Variants in CEP135 observed in about 807,000 individuals in gnomAD.
CEP135 encodes the protein centrosomal protein 135, also known as centrosomal protein of 135 kDa.
A neutral mutation model predicts 157.3 loss-of-function variants in CEP135; 142 were observed. The observed-to-expected ratio is 0.90, with a 90% CI of 0.79 to 1.04. CEP135 has a LOEUF of 1.04. Ranked by LOEUF, CEP135 falls within the 50% of genes least tolerant of loss-of-function variation. The pLI, the probability that CEP135 is intolerant of heterozygous loss-of-function variation, is 0.00. For synonymous variants in CEP135, 396 were observed against 439.8 expected, an observed-to-expected ratio of 0.90 and a Z score of 1.25; for missense variants, 1,317 against 1,309.2, an observed-to-expected ratio of 1.01 and a Z score of -0.09.
chr4:56,018,937 A>G (rs1475569153), intron 22 of CEP135, among the ~76,000 whole-genome samples: 1 of 152,200 alleles, frequency 6.6e-6, no homozygotes, highest in African/African-American at 2.4e-5. Flanking sequence ...TTGTTTTCAA[A>G]CATGGATGTT....
At position 56,011,991 on chromosome 4, in the gene CEP135, A is replaced by C; in HGVS notation, c.2802+6A>C. 6.8e-7 allele frequency: 1 copy of C among 1,474,196 alleles called. No homozygotes were observed. The highest frequency in any genetic ancestry group is 9.1e-7 in the Non-Finnish European group (1 of 1,102,738). 91.3% of individuals were successfully genotyped at this position (1,474,196 alleles called of 1,614,324 possible). A position where few individuals can be genotyped will look rare whatever the true frequency, so the allele number is the denominator to read the frequency against. ...TAGAAAAAGAAATTCAAGAGGTAAT[A>C]TATTTATTTGTTTTGTAAAGATGTT... is the stretch of plus-strand genomic sequence containing the variant. On this transcript the variant is annotated splice_donor_region_variant and intron_variant, in intron 21 of 25. Coordinates refer to ENST00000257287, the MANE Select transcript of CEP135 (RefSeq NM_025009.5).
chr4:55,956,759 C>T (rs866010886), intron 4 of CEP135, among the ~76,000 whole-genome samples: 9 of 152,194 alleles, frequency 5.9e-5, no homozygotes, highest in African/African-American at 1.9e-4. Context: ...TACAGGTGCC[C>T]GTTACCACGC....
At chr4:55,979,205 A>G (rs1729320981) in intron 11 of CEP135, among the ~76,000 whole-genome samples, 1 of 152,150 alleles carries the variant, frequency 6.6e-6, no homozygotes, top group Non-Finnish European at 1.5e-5. Context: ...ACATTAAGAT[A>G]CCATAGATCC....
rs140748251 is a variant in CEP135 at position 55,965,808 on chromosome 4, A to T, written c.993A>T (p.Arg331Ser). ...EIDQLAQQLE[R>S]HKEEVLETAD... is the part of the protein sequence containing the mutation. ...ATCAGTTAGCACAGCAGTTGGAAAG[A>T]CATAAAGAAGAAGTGCTTGAGACTG... The change falls in exon 8 of 26, where the codon AGA becomes AGT. Residue 331 changes from arginine (R) to serine (S), a missense_variant. Coordinates refer to ENST00000257287, the MANE Select transcript of CEP135 (RefSeq NM_025009.5). The T allele has an allele frequency of 2.7e-4, 433 of 1,613,814 alleles. No individual in the cohort carries two copies. The highest frequency in any genetic ancestry group is 2.3e-3 in the Middle Eastern group (14 of 6,058).
intron 25 of CEP135, among the ~76,000 whole-genome samples, chr4:56,029,317 C>T (rs1485476692): frequency 2.6e-5 from 4 of 152,162 alleles, no homozygotes; most frequent in Admixed American, 1.3e-4. Context: ...AACCTTCAGC[C>T]CCTCTCCTCT....
chr4:56,017,792 A>G lies in CEP135; in HGVS notation c.2947A>G (p.Lys983Glu), dbSNP rs148808421. 3 of 1,613,778 alleles carry G rather than the reference A, an allele frequency of 1.9e-6. No individual in the cohort carries two copies. In the African/African-American group the frequency reaches 4.0e-5, roughly 22 times the overall value. The change falls in exon 22 of 26, where the codon AAA becomes GAA. Residue 983 changes from lysine to glutamate, a missense_variant. Coordinates refer to ENST00000257287, the MANE Select transcript of CEP135 (RefSeq NM_025009.5). ...GTCATCTCTTAGAGAACTTTGCATT[A>G]AACTTGATTCAGGCAAAGATATTAT... is the stretch of plus-strand genomic sequence containing the variant. ...DLSSLRELCI[K>E]LDSGKDIMTQ...
intron 25 of CEP135, among the ~76,000 whole-genome samples, chr4:56,028,391 C>CT (rs1731223907): frequency 6.6e-6 from 1 of 152,146 alleles, no homozygotes; most frequent in South Asian, 2.1e-4. Flanking sequence ...TTATTTTCCA[C>CT]TTTTTAATTA....
intron 10 of CEP135, among the ~76,000 whole-genome samples, chr4:55,973,854 T>C (rs1729105628): frequency 6.6e-6 from 1 of 152,128 alleles, no homozygotes; most frequent in Non-Finnish European, 1.5e-5. Flanking sequence ...CTTGTTAAAG[T>C]CATTCACCTC....
chr4:55,992,154 C>A, intron 15 of CEP135, 69 bp downstream of exon 15: 1 of 1,484,662 alleles, frequency 6.7e-7, no homozygotes, highest in South Asian at 1.3e-5. Flanking sequence ...AGTTTATAAT[C>A]ATGGCATTTT....
chr4:55,997,860 C>T (rs1035462541), intron 15 of CEP135, among the ~76,000 whole-genome samples: 2 of 152,134 alleles, frequency 1.3e-5, no homozygotes, highest in Non-Finnish European at 2.9e-5. Flanking sequence ...AGTGTGAATA[C>T]GGTGCAGTCA....
rs1267054419 is a variant in CEP135 at position 55,965,756 on chromosome 4, A to T, written c.941A>T (p.Lys314Ile). The T allele has an allele frequency of 6.2e-7, 1 of 1,613,808 alleles. No individual in the cohort carries two copies. The highest frequency in any genetic ancestry group is 8.5e-7 in the Non-Finnish European group (1 of 1,179,910). The change falls in exon 8 of 26, where the codon AAA (lysine) becomes ATA (isoleucine). Residue 314 changes from lysine (K) to isoleucine (I), a missense_variant. By Grantham distance (102) the Lys-to-Ile change is moderately radical (BLOSUM62 -3). Transcript: ENST00000257287. The part of the protein sequence containing the change: ...EVVNLSNKNE[K>I]LCQELTEIDQ... ...GTTAATTTAAGTAACAAAAATGAAA[A>T]ACTCTGCCAAGAATTAACTGAAATA...
At chr4:55,976,532 T>C (rs1358049771) in intron 11 of CEP135, among the ~76,000 whole-genome samples, 1 of 152,222 alleles carries the variant, frequency 6.6e-6, no homozygotes, top group Non-Finnish European at 1.5e-5. Flanking sequence ...GACAAATGTG[T>C]GAGACATATT....
chr4:55,988,924 C>G (rs1306930528), intron 14 of CEP135, among the ~76,000 whole-genome samples: 1 of 151,228 alleles, frequency 6.6e-6, no homozygotes, highest in Non-Finnish European at 1.5e-5. Context: ...CGAGATCACG[C>G]CACTGCACTC....
chr4:55,982,407 C>T (rs1261304208), intron 13 of CEP135, among the ~76,000 whole-genome samples: 1 of 152,132 alleles, frequency 6.6e-6, no homozygotes, highest in Non-Finnish European at 1.5e-5. Flanking sequence ...AATAAAAGTT[C>T]TAATTTCTCC....
At chr4:56,004,516 T>C (rs988636113) in intron 17 of CEP135, among the ~76,000 whole-genome samples, 1 of 152,240 alleles carries the variant, frequency 6.6e-6, no homozygotes, top group Non-Finnish European at 1.5e-5. Context: ...TGAAGTCCCC[T>C]ACCATTATCG....
Position 55,989,447 on chromosome 4 carries a change from G to A in CEP135, c.1858-2487G>A, listed in dbSNP as rs111842910. On this transcript the variant is annotated intron_variant, in intron 14 of 25. Transcript: ENST00000257287. ...AAACTTGCCTAAGATCACACAGCTA[G>A]CAGATGTCTGGTGCCAGAATGTGTG... Among the ~76,000 whole-genome samples the A allele has an allele frequency of 6.0e-3, 911 of 152,294 alleles. 6 individuals are homozygous for A. Among genetic ancestry groups the A allele is most frequent in the Admixed American group, 0.018 (270 of 15,292 alleles).
At chr4:55,992,393 A>G (rs1249465920) in intron 15 of CEP135, among the ~76,000 whole-genome samples, 1 of 152,214 alleles carries the variant, frequency 6.6e-6, no homozygotes, top group Non-Finnish European at 1.5e-5. Flanking sequence ...AATACTTCAG[A>G]TCATTTGTAT....
intron 8 of CEP135, 62 bp downstream of exon 8, chr4:55,965,921 T>C: frequency 1.5e-6 from 2 of 1,319,148 alleles, no homozygotes; most frequent in Non-Finnish European, 1.1e-6. Flanking sequence ...CACGGTAAGC[T>C]TGATCCCTTT....
intron 17 of CEP135, among the ~76,000 whole-genome samples, chr4:56,001,725 A>G (rs1730178165): frequency 6.7e-6 from 1 of 149,750 alleles, no homozygotes; most frequent in Non-Finnish European, 1.5e-5. Context: ...TGCTTTGGCT[A>G]TTTGGGGTCT....
Sources: gnomAD v4.1 joint callset for allele counts (sites outside exome capture counted in the v4.1 genomes callset) on GRCh38, gnomAD v4.1.1 for gene constraint, MANE v1.5 for transcripts, NCBI Gene and HGNC (gene_info 2026-07-23, HGNC 2026-07-21) for gene names.